CGNL1: variants seen among roughly 807,000 people sequenced by gnomAD.
The protein encoded by CGNL1 is cingulin like 1.
CGNL1 carries 132 observed loss-of-function variants against 141.2 expected under a neutral mutation model. That is an observed-to-expected ratio of 0.93 (90% CI 0.81 to 1.08). The LOEUF (loss-of-function observed/expected upper bound fraction) is 1.08, where lower values mean the gene tolerates loss of function less well. Ranked by LOEUF, CGNL1 falls within the 50% of genes least tolerant of loss-of-function variation. The pLI is 0.00. For synonymous variants in CGNL1, 690 were observed against 622.1 expected (o/e 1.11, Z -1.63); for missense variants, 1,870 against 1,588.6 (o/e 1.18, Z -3.01).
chr15:57,435,061 G>A (rs536290663), intron 1 of CGNL1, among the ~76,000 whole-genome samples: 3 of 152,174 alleles, frequency 2.0e-5, no homozygotes, highest in African/African-American at 7.2e-5. Flanking sequence ...AATTAATACC[G>A]ATAAGCATCT....
intron 1 of CGNL1, among the ~76,000 whole-genome samples, chr15:57,400,841 C>T (rs1330428830): frequency 7.0e-6 from 1 of 143,346 alleles, no homozygotes; most frequent in Non-Finnish European, 1.5e-5. Flanking sequence ...CAGGATTGCA[C>T]CGTTGCACTC....
At chr15:57,451,974 G>A (rs1486961663) in intron 5 of CGNL1, among the ~76,000 whole-genome samples, 167 bp from the exon 6 acceptor site, 1 of 152,180 alleles carries the variant, frequency 6.6e-6, no homozygotes, top group Non-Finnish European at 1.5e-5. Context: ...ATAAATGTTT[G>A]ATGTTCTTTC....
rs1396492068 is a variant in CGNL1 at position 57,525,190 on chromosome 15, CACA to C, written c.3039+447_3039+449del. Among the ~76,000 whole-genome samples, 5 of 152,282 alleles carry C rather than the reference CACA, an allele frequency of 3.3e-5. No homozygotes were observed. In the South Asian group the frequency reaches 8.3e-4, roughly 25 times the overall value. ...GCATGAGGGTGGCGGACAAGAGTTT[CACA>C]ACAACAATAATGGCGAGTAAAAGAA... is the stretch of plus-strand genomic sequence containing the variant. On this transcript the variant is annotated intron_variant, in intron 12 of 18. Transcript: ENST00000281282.
chr15:57,395,798 T>C (rs2062595745), intron 1 of CGNL1, among the ~76,000 whole-genome samples: 1 of 152,260 alleles, frequency 6.6e-6, no homozygotes, highest in Non-Finnish European at 1.5e-5. Context: ...AGCTTAAGGT[T>C]ATGACATTTG....
intron 4 of CGNL1, among the ~76,000 whole-genome samples, chr15:57,451,296 T>C (rs1032981707): frequency 6.6e-6 from 1 of 152,202 alleles, no homozygotes; most frequent in South Asian, 2.1e-4. Context: ...TAAAGTTCAC[T>C]GGAGTCCCAA....
intron 8 of CGNL1, among the ~76,000 whole-genome samples, chr15:57,500,464 G>A (rs2064007759): frequency 6.6e-6 from 1 of 152,226 alleles, no homozygotes; most frequent in Non-Finnish European, 1.5e-5. Context: ...AACCTCTCCA[G>A]GCCCCAGTTT....
intron 4 of CGNL1, among the ~76,000 whole-genome samples, chr15:57,450,810 A>G (rs1158538704): frequency 3.9e-5 from 6 of 152,114 alleles, no homozygotes; most frequent in Non-Finnish European, 5.9e-5. Flanking sequence ...GGTAAATCTG[A>G]TATTTGCTAC....
chr15:57,495,978 T>C lies in CGNL1; in HGVS notation c.2404-20802T>C, dbSNP rs191729618. On this transcript the variant is annotated intron_variant, in intron 8 of 18. Coordinates refer to ENST00000281282, the MANE Select transcript of CGNL1 (RefSeq NM_032866.5). ...AGAATGTCTTGGCAATCCAGATAAA[T>C]GCTGTTTGTAAAAGCAAAACTGATA... Among the ~76,000 whole-genome samples, 44 of 152,316 alleles carry C rather than the reference T, an allele frequency of 2.9e-4. No homozygotes were observed. The East Asian group carries it at 3.3e-3, about 11-fold the overall frequency.
chr15:57,486,830 C>T (rs1406284109), intron 8 of CGNL1, among the ~76,000 whole-genome samples: 1 of 152,142 alleles, frequency 6.6e-6, no homozygotes, highest in Non-Finnish European at 1.5e-5. Flanking sequence ...TTGGTTGGGC[C>T]CAACAGCTGC....
At chr15:57,470,023 A>G (rs1462163360) in intron 8 of CGNL1, among the ~76,000 whole-genome samples, 2 of 152,188 alleles carry the variant, frequency 1.3e-5, no homozygotes, top group African/African-American at 4.8e-5. Context: ...AGCTAGGGAA[A>G]CAGCAAAAAT....
In CGNL1 at chr15:57,544,510, G is replaced by C. The variant is rs759530732; in HGVS notation, c.3413G>C (p.Gly1138Ala). The C allele has an allele frequency of 1.2e-6, 2 of 1,613,750 alleles. No homozygotes were observed. Among genetic ancestry groups the C allele is most frequent in the South Asian group, 2.2e-5 (2 of 90,914 alleles). ...DLKSRIIHLE[G>A]SYRSSKEGLV... is the part of the protein sequence containing the mutation. ...AAGAGCCGGATTATCCACCTGGAAG[G>C]TTCCTACAGGTCCAGCAAAGAGGGG... The change falls in exon 16 of 19, where the codon GGT (glycine) becomes GCT (alanine). Residue 1138 changes from glycine (G) to alanine (A), a missense_variant. Physicochemically the swap from Gly to Ala is moderately conservative, Grantham distance 60. Transcript: ENST00000281282.
At chr15:57,463,605 T>C (rs1343089329) in intron 8 of CGNL1, among the ~76,000 whole-genome samples, 1 of 152,242 alleles carries the variant, frequency 6.6e-6, no homozygotes, top group Non-Finnish European at 1.5e-5. Context: ...CCAGGTTGTT[T>C]TCTATACTGC....
chr15:57,382,081 C>G (rs1383930260), intron 1 of CGNL1, among the ~76,000 whole-genome samples: 2 of 152,138 alleles, frequency 1.3e-5, no homozygotes, highest in Non-Finnish European at 2.9e-5. Context: ...GTTGGGCATT[C>G]TAGAATAAAA....
At chr15:57,393,929 CTTT>C (rs58215581) in intron 1 of CGNL1, 390 of 131,600 alleles carry the variant, frequency 3.0e-3, no homozygotes, top group African/African-American at 9.5e-3. Flanking sequence ...CATGTATTAA[CTTT>C]TTTTTTTTTT....
intron 8 of CGNL1, among the ~76,000 whole-genome samples, chr15:57,463,476 G>T (rs2063471529): frequency 6.6e-6 from 1 of 152,180 alleles, no homozygotes; most frequent in South Asian, 2.1e-4. Flanking sequence ...CGAAACAGGC[G>T]AAGTAGTCAA....
intron 1 of CGNL1, among the ~76,000 whole-genome samples, chr15:57,387,715 A>T (rs2062499097): frequency 6.6e-6 from 1 of 150,696 alleles, no homozygotes; most frequent in East Asian, 1.9e-4. Context: ...TTTAATAAAA[A>T]CCTCCCCCTG....
chr15:57,491,779 C>T (rs1420944293), intron 8 of CGNL1, among the ~76,000 whole-genome samples: 1 of 152,154 alleles, frequency 6.6e-6, no homozygotes, highest in African/African-American at 2.4e-5. Context: ...ATAAGTTTTG[C>T]AATGAGAATG....
intron 1 of CGNL1, among the ~76,000 whole-genome samples, chr15:57,407,862 C>T (rs61515241): frequency 0.027 from 4,134 of 150,972 alleles, 165 homozygotes; most frequent in Admixed American, 0.1. Context: ...GATTCTCCTG[C>T]CCCCGCCTCC....
intron 10 of CGNL1, among the ~76,000 whole-genome samples, chr15:57,520,935 G>A (rs1333832905): frequency 1.3e-5 from 2 of 152,158 alleles, no homozygotes; most frequent in Non-Finnish European, 2.9e-5. Context: ...CTCAATCATA[G>A]GGTAAAATCT....
Sources: allele counts gnomAD v4.1 joint callset (sites outside exome capture counted in the v4.1 genomes callset), GRCh38; gene constraint gnomAD v4.1.1; transcripts MANE v1.5; gene names NCBI Gene and HGNC (gene_info 2026-07-23, HGNC 2026-07-21).